Variants in CCDC178 observed in about 807,000 individuals in gnomAD.
CCDC178 encodes the protein coiled-coil domain-containing protein 178.
A neutral mutation model predicts 117.4 loss-of-function variants in CCDC178; 126 were observed. The ratio of observed to expected loss-of-function variants is 1.07; its 90% CI spans 0.93 to 1.24. The LOEUF is 1.24. Ranked by LOEUF, CCDC178 falls within the 50% of genes most tolerant of loss-of-function variation. CCDC178 has a pLI of 0.00. For missense variants in CCDC178, 1,030 were observed against 986.9 expected, an observed-to-expected ratio of 1.04 and a Z score of -0.59; for synonymous variants, 283 against 313.4, an observed-to-expected ratio of 0.90 and a Z score of 1.02.
At chr18:33,406,660 T>C (rs576342397) in intron 3 of CCDC178, among the ~76,000 whole-genome samples, 2 of 152,228 alleles carry the variant, frequency 1.3e-5, no homozygotes, top group Non-Finnish European at 2.9e-5. Context: ...GATATTATAC[T>C]CTTAACCAAA....
intron 20 of CCDC178, among the ~76,000 whole-genome samples, chr18:33,171,158 T>C (rs184461215): frequency 1.3e-5 from 2 of 152,134 alleles, no homozygotes; most frequent in Admixed American, 1.3e-4. Flanking sequence ...AAAAGAGCAA[T>C]AGATAAGCAT....
intron 21 of CCDC178, among the ~76,000 whole-genome samples, chr18:33,051,747 T>C (rs1217624011): frequency 6.6e-6 from 1 of 152,200 alleles, no homozygotes; most frequent in Non-Finnish European, 1.5e-5. Context: ...CTGCTGACTC[T>C]GGTCAGCAAA....
At chr18:33,000,121 A>G (rs866740524) in intron 21 of CCDC178, among the ~76,000 whole-genome samples, 1 of 152,230 alleles carries the variant, frequency 6.6e-6, no homozygotes, top group South Asian at 2.1e-4. Context: ...TCAGAATCCT[A>G]TCAAAAATAT....
At chr18:33,099,499 C>T (rs2057592816) in intron 20 of CCDC178, among the ~76,000 whole-genome samples, 1 of 151,982 alleles carries the variant, frequency 6.6e-6, no homozygotes, top group South Asian at 2.1e-4. Flanking sequence ...GACAAGCGGG[C>T]TCCAAGTCTG....
chr18:33,249,988 C>T (rs559361091), intron 14 of CCDC178, among the ~76,000 whole-genome samples: 8 of 151,884 alleles, frequency 5.3e-5, no homozygotes, highest in African/African-American at 1.9e-4. Flanking sequence ...CTTCACATCC[C>T]TTGTAAGTTG....
chr18:33,339,517 A>G (rs2062786256), intron 9 of CCDC178, among the ~76,000 whole-genome samples: 1 of 151,400 alleles, frequency 6.6e-6, no homozygotes, highest in South Asian at 2.1e-4. Context: ...GAAGATATAA[A>G]TTACTGAAAA....
chr18:32,958,355 G>A, intron 22 of CCDC178: 3 of 339,622 alleles, frequency 8.8e-6, no homozygotes, highest in South Asian at 1.5e-4. Flanking sequence ...TATACTTCTG[G>A]GAAAAGATAA....
intron 22 of CCDC178, chr18:32,958,104 ATGCT>A: frequency 2.4e-6 from 1 of 421,216 alleles, no homozygotes; most frequent in Non-Finnish European, 4.4e-6. Flanking sequence ...TAAATTATTG[ATGCT>A]ACACACTAAT....
intron 6 of CCDC178, among the ~76,000 whole-genome samples, chr18:33,361,547 A>G (rs1210193382): frequency 6.6e-6 from 1 of 151,806 alleles, no homozygotes; most frequent in African/African-American, 2.4e-5. Context: ...GAAAAAAATA[A>G]TTGGAAACCA....
At chr18:33,253,794 C>T (rs1000508016) in intron 14 of CCDC178, among the ~76,000 whole-genome samples, 1 of 151,758 alleles carries the variant, frequency 6.6e-6, no homozygotes, top group African/African-American at 2.4e-5. Context: ...GTTAAGTAGA[C>T]CTGTATTCAA....
chr18:33,046,063 A>C (rs1296237667), intron 21 of CCDC178, among the ~76,000 whole-genome samples: 1 of 152,208 alleles, frequency 6.6e-6, no homozygotes, highest in African/African-American at 2.4e-5. Flanking sequence ...GGGAGACTCC[A>C]TCTCAAAATA....
At chr18:33,282,111 G>C (rs933920126) in intron 12 of CCDC178, among the ~76,000 whole-genome samples, 1 of 152,226 alleles carries the variant, frequency 6.6e-6, no homozygotes, top group East Asian at 1.9e-4. Flanking sequence ...TATCACATAT[G>C]GGGGGCTCAT....
chr18:33,412,111 C>T lies in CCDC178; in HGVS notation c.-22-1G>A, dbSNP rs752639178. 3.4e-6 allele frequency: 4 copies of T among 1,177,110 alleles called. No homozygotes were observed. Among genetic ancestry groups the T allele is most frequent in the Non-Finnish European group, 4.9e-6 (4 of 822,296 alleles). 72.9% of individuals were successfully genotyped at this position (1,177,110 alleles called of 1,614,324 possible). Reference sequence around the variant, plus strand: ...CATAGTTATAAGAATATTTTAAAACCTAATTAGAAAGAAAAATATTTAAAT... The same window carrying T: ...CATAGTTATAAGAATATTTTAAAACTTAATTAGAAAGAAAAATATTTAAAT... On this transcript the variant is annotated splice_acceptor_variant, in intron 2 of 22. Transcript: ENST00000383096. LOFTEE classifies it low-confidence loss of function (5UTR_SPLICE).
intron 6 of CCDC178, among the ~76,000 whole-genome samples, chr18:33,369,843 C>T (rs761233632): frequency 1.3e-5 from 2 of 151,840 alleles, no homozygotes; most frequent in South Asian, 2.1e-4. Context: ...AAAAAAACAT[C>T]GATTTAATAA....
At chr18:33,245,890 T>G (rs1469762168) in intron 14 of CCDC178, among the ~76,000 whole-genome samples, 2 of 151,930 alleles carry the variant, frequency 1.3e-5, no homozygotes. Context: ...TGGGATGTCC[T>G]GTGCATTGTA....
At position 33,380,885 on chromosome 18, in the gene CCDC178, C is replaced by T. The variant is rs553964334; in HGVS notation, c.208+8655G>A. 1.6e-4 allele frequency among the ~76,000 whole-genome samples: 24 copies of T among 152,284 alleles called. 1 individual carries two copies. The South Asian group carries it at 4.8e-3, about 30-fold the overall frequency. ...TTAAACATTCGGATTTAGTCAAGGC[C>T]AACAAGCCAGAGATAGTCTTAAAGG... On this transcript the variant is annotated intron_variant, in intron 5 of 22. Transcript: ENST00000383096.
At chr18:32,957,436 T>C (rs566381172) in intron 22 of CCDC178, among the ~76,000 whole-genome samples, 11 of 152,132 alleles carry the variant, frequency 7.2e-5, no homozygotes, top group Non-Finnish European at 1.3e-4. Flanking sequence ...AATGAAACTA[T>C]CTTGCTCAAA....
intron 12 of CCDC178, among the ~76,000 whole-genome samples, chr18:33,267,669 A>G (rs2059835177): frequency 6.6e-6 from 1 of 151,548 alleles, no homozygotes; most frequent in Non-Finnish European, 1.5e-5. Flanking sequence ...CTTTTATTAC[A>G]TTATTAATCA....
At chr18:33,378,592 T>A (rs1409145804) in intron 5 of CCDC178, among the ~76,000 whole-genome samples, 2 of 152,194 alleles carry the variant, frequency 1.3e-5, no homozygotes, top group Admixed American at 1.3e-4. Context: ...TGGCTCTCAT[T>A]ATTTTGAGGT....
Sources: allele counts gnomAD v4.1 joint callset (sites outside exome capture counted in the v4.1 genomes callset), GRCh38; gene constraint gnomAD v4.1.1; transcripts MANE v1.5; gene names NCBI Gene and HGNC (gene_info 2026-07-23, HGNC 2026-07-21).